Variants in RNF144A observed in about 807,000 individuals in gnomAD.
The protein encoded by RNF144A is E3 ubiquitin-protein ligase RNF144A.
RNF144A carries 11 observed loss-of-function variants against 38.7 expected under a neutral mutation model. The observed-to-expected ratio is 0.28, with a 90% CI of 0.18 to 0.47. RNF144A has a LOEUF of 0.47. Among genes scored for constraint, RNF144A ranks in the 20% least tolerant of loss-of-function variants. The pLI is 0.99. For synonymous variants in RNF144A, 149 were observed against 143.9 expected, an observed-to-expected ratio of 1.04 and a Z score of -0.25; for missense variants, 316 against 377.2, an observed-to-expected ratio of 0.84 and a Z score of 1.34.
At chr2:7,003,057 T>C (rs1195376925) in intron 3 of RNF144A, among the ~76,000 whole-genome samples, 9 of 152,204 alleles carry the variant, frequency 5.9e-5, no homozygotes, top group African/African-American at 2.2e-4. Flanking sequence ...TAAATACATA[T>C]ATACACACAC....
intron 2 of RNF144A, among the ~76,000 whole-genome samples, chr2:6,951,075 T>C (rs1209504955): frequency 6.6e-6 from 1 of 152,240 alleles, no homozygotes; most frequent in Non-Finnish European, 1.5e-5. Flanking sequence ...TATATTCTTC[T>C]GTATTCTGAG....
At chr2:7,001,797 T>A (rs1670124134) in intron 3 of RNF144A, among the ~76,000 whole-genome samples, 1 of 152,248 alleles carries the variant, frequency 6.6e-6, no homozygotes, top group Non-Finnish European at 1.5e-5. Flanking sequence ...GATGGTTGGT[T>A]GAGTTGCGTG....
intron 6 of RNF144A, among the ~76,000 whole-genome samples, chr2:7,023,065 C>T (rs150949792): frequency 1.3e-3 from 203 of 152,256 alleles, no homozygotes; most frequent in African/African-American, 4.5e-3. Context: ...CTGTAGAGAT[C>T]GATGCTATTA....
intron 2 of RNF144A, among the ~76,000 whole-genome samples, chr2:6,961,386 A>G (rs1397818383): frequency 2.8e-5 from 4 of 144,956 alleles, no homozygotes; most frequent in Non-Finnish European, 5.9e-5. Flanking sequence ...ATTCCTATAA[A>G]GGTACATTTT....
chr2:7,012,573 G>A (rs1348205230), intron 3 of RNF144A, among the ~76,000 whole-genome samples: 1 of 152,182 alleles, frequency 6.6e-6, no homozygotes, highest in Non-Finnish European at 1.5e-5. Context: ...TCTGCCAACT[G>A]TTCTGCTCAT....
intron 1 of RNF144A, among the ~76,000 whole-genome samples, chr2:6,928,560 G>A (rs1192744477): frequency 6.6e-6 from 1 of 152,188 alleles, no homozygotes; most frequent in Non-Finnish European, 1.5e-5. Flanking sequence ...GTGCCCCCAG[G>A]CCACCAGCTT....
intron 2 of RNF144A, among the ~76,000 whole-genome samples, chr2:6,948,140 T>A (rs1666457692): frequency 6.6e-6 from 1 of 152,212 alleles, no homozygotes. Flanking sequence ...TGCTCCCAGC[T>A]GCAAGGAAGA....
At chr2:7,032,681 CT>C (rs1020804359) in intron 8 of RNF144A, among the ~76,000 whole-genome samples, 14 of 152,362 alleles carry the variant, frequency 9.2e-5, no homozygotes, top group African/African-American at 3.4e-4. Context: ...CAAATCCCCC[CT>C]TTCTATCAGG....
chr2:6,980,354 G>T (rs573270097), intron 2 of RNF144A, among the ~76,000 whole-genome samples: 2 of 152,234 alleles, frequency 1.3e-5, no homozygotes, highest in Non-Finnish European at 2.9e-5. Flanking sequence ...CGAAGAGCCT[G>T]TAAAATCACA....
Position 6,944,350 on chromosome 2 carries a change from C to T in RNF144A, c.-12+3203C>T, listed in dbSNP as rs1420514880. On this transcript the variant is annotated intron_variant, in intron 2 of 8. Coordinates refer to ENST00000320892, the MANE Select transcript of RNF144A (RefSeq NM_014746.6). This position sits in a 1 kb window ranked among gnomAD's most constrained non-coding sequence, Gnocchi z 4.7. ...TCGGCTTCTCAGTCATCCTGTCTCA[C>T]GTTTTCATGGTCCGTACTTTAAAAG... Among the ~76,000 whole-genome samples the T allele has an allele frequency of 5.3e-5, 8 of 152,064 alleles. No individual in the cohort carries two copies. Among genetic ancestry groups the T allele is most frequent in the African/African-American group, 1.9e-4 (8 of 41,400 alleles).
rs545780907 is a variant in RNF144A at position 7,024,408 on chromosome 2, G to A, written c.549G>A (p.Lys183=). The change falls in exon 7 of 9, where the codon AAG becomes AAA. Residue 183 remains lysine (K), a synonymous_variant. Coordinates refer to ENST00000320892, the MANE Select transcript of RNF144A (RefSeq NM_014746.6). ...FKMEEDDAPI[K]RCPKCKVYIE... ...TGGAAGAAGATGACGCGCCCATCAA[G>A]CGCTGCCCCAAGTGCAAAGTCTACA... The A allele has an allele frequency of 9.4e-5, 152 of 1,611,950 alleles. No individual in the cohort carries two copies. The South Asian group carries it at 1.5e-3, about 16-fold the overall frequency.
intron 2 of RNF144A, among the ~76,000 whole-genome samples, chr2:6,981,674 G>A (rs573008115): frequency 4.5e-4 from 68 of 152,268 alleles, no homozygotes; most frequent in African/African-American, 1.5e-3. Flanking sequence ...TCTCTAGGAA[G>A]TTCCAAACTT....
chr2:6,997,139 C>A, intron 3 of RNF144A, 78 bp downstream of exon 3: 5 of 1,437,914 alleles, frequency 3.5e-6, no homozygotes, highest in Non-Finnish European at 4.9e-6. Context: ...AGACACTAGG[C>A]AAACCTTTGG....
intron 7 of RNF144A, among the ~76,000 whole-genome samples, chr2:7,025,253 T>C (rs1020700885): frequency 4.6e-5 from 7 of 152,384 alleles, no homozygotes; most frequent in African/African-American, 1.7e-4. Flanking sequence ...TGAGGCCTGA[T>C]GCACAGGTTG....
At chr2:6,990,219 C>G (rs979641139) in intron 2 of RNF144A, among the ~76,000 whole-genome samples, 1 of 152,028 alleles carries the variant, frequency 6.6e-6, no homozygotes, top group East Asian at 1.9e-4. Flanking sequence ...ATCCCCCTGG[C>G]TTACAGAGGC....
chr2:7,056,724 G>A (rs1281362478), intron 6 of RNF144A, among the ~76,000 whole-genome samples: 1 of 152,078 alleles, frequency 6.6e-6, no homozygotes, highest in African/African-American at 2.4e-5. Flanking sequence ...TCAGTCCTTG[G>A]GGCCCACACT....
chr2:6,988,865 A>G (rs115025270), intron 2 of RNF144A, among the ~76,000 whole-genome samples: 1,994 of 152,156 alleles, frequency 0.013, 49 homozygotes, highest in African/African-American at 0.046. Flanking sequence ...TATTTATGTG[A>G]TTATGGGCTC....
At chr2:7,035,041 C>T (rs1436493712) in intron 8 of RNF144A, among the ~76,000 whole-genome samples, 1 of 152,228 alleles carries the variant, frequency 6.6e-6, no homozygotes, top group Admixed American at 6.5e-5. Flanking sequence ...TCTTGGTCCT[C>T]CACATTTGGC....
chr2:7,061,075 G>C (rs950523376), intron 6 of RNF144A, among the ~76,000 whole-genome samples: 1 of 152,118 alleles, frequency 6.6e-6, no homozygotes, highest in African/African-American at 2.4e-5. Context: ...TACTATGGTA[G>C]TGGCCCAAGT....
Sources: gnomAD v4.1 joint callset for allele counts (sites outside exome capture counted in the v4.1 genomes callset) on GRCh38, gnomAD v4.1.1 for gene constraint, Gnocchi (gnomAD v3.1) non-coding constraint, MANE v1.5 for transcripts, NCBI Gene and HGNC (gene_info 2026-07-23, HGNC 2026-07-21) for gene names.